Variants in SUGCT observed in about 807,000 individuals in gnomAD.
SUGCT encodes succinyl-CoA:glutarate-CoA transferase.
Under a neutral mutation model 55.0 loss-of-function variants are expected in SUGCT, and 41 were observed. The ratio of observed to expected loss-of-function variants is 0.74; its 90% CI spans 0.58 to 0.97. SUGCT has a LOEUF of 0.97. SUGCT is among the 50% of genes least tolerant of loss of function. The probability of loss-of-function intolerance (pLI) is 0.00; values close to 1 mark genes in which losing one functional copy is unlikely to be tolerated. For synonymous variants in SUGCT, 187 were observed against 200.4 expected (o/e 0.93, Z 0.56); for missense variants, 568 against 547.8 (o/e 1.04, Z -0.37).
intron 6 of SUGCT, among the ~76,000 whole-genome samples, chr7:40,222,212 C>G (rs1014720630): frequency 2.0e-5 from 3 of 152,294 alleles, no homozygotes; most frequent in Admixed American, 1.3e-4. Flanking sequence ...GTGAGATATC[C>G]CCAGTGATGG....
intron 12 of SUGCT, among the ~76,000 whole-genome samples, chr7:40,526,135 G>T (rs1793782007): frequency 6.6e-6 from 1 of 152,082 alleles, no homozygotes; most frequent in Non-Finnish European, 1.5e-5. Flanking sequence ...GCTTCCTAGG[G>T]TTTTTGCCTC....
chr7:40,552,676 A>G (rs1795359478), intron 12 of SUGCT, among the ~76,000 whole-genome samples: 1 of 152,152 alleles, frequency 6.6e-6, no homozygotes, highest in South Asian at 2.1e-4. Context: ...GACATCTTCC[A>G]TCACACTTTC....
intron 6 of SUGCT, among the ~76,000 whole-genome samples, chr7:40,224,054 A>C (rs545873614): frequency 2.2e-4 from 33 of 151,950 alleles, no homozygotes; most frequent in Non-Finnish European, 4.0e-4. Flanking sequence ...CTGAGTTTTT[A>C]TTTTCTTTTC....
chr7:40,176,871 G>A (rs1210849356), intron 1 of SUGCT, among the ~76,000 whole-genome samples: 1 of 149,918 alleles, frequency 6.7e-6, no homozygotes, highest in African/African-American at 2.4e-5. Flanking sequence ...TACTTGGGAG[G>A]CTGAGGCAGG....
chr7:40,249,327 A>ATCTATATATATATC (rs1562612076), intron 7 of SUGCT, among the ~76,000 whole-genome samples: 1 of 117,716 alleles, frequency 8.5e-6, no homozygotes, highest in East Asian at 2.3e-4. Context: ...ATATATATAT[A>ATCTATATATATATC]TATATATATA....
chr7:41,015,536 T>C, the SUGCT span, among the ~76,000 whole-genome samples: 715 of 152,310 alleles, frequency 4.7e-3, 3 homozygotes, highest in African/African-American at 0.017. Context: ...CTACATTCTG[T>C]ATTTTTAAGG....
In SUGCT at chr7:40,321,233, G is replaced by T. The variant is rs545066774; in HGVS notation, c.816+4378G>T. ...TGGGATTACAGGCAAACGCCATCACGCCTGGCTAATTTTTTGTACTTTTAG... is the reference window on the plus strand; with the variant it reads ...TGGGATTACAGGCAAACGCCATCACTCCTGGCTAATTTTTTGTACTTTTAG... On this transcript the variant is annotated intron_variant, in intron 9 of 13. Transcript: ENST00000335693. Among the ~76,000 whole-genome samples the T allele has an allele frequency of 1.9e-3, 293 of 151,056 alleles. 2 individuals are homozygous for T. Among genetic ancestry groups the T allele is most frequent in the Admixed American group, 3.9e-3 (59 of 15,168 alleles).
intron 12 of SUGCT, among the ~76,000 whole-genome samples, chr7:40,655,860 T>C (rs1800995657): frequency 6.6e-6 from 1 of 152,244 alleles, no homozygotes; most frequent in Non-Finnish European, 1.5e-5. Context: ...TAATTTCTTG[T>C]ATTCTGTGCC....
At chr7:40,435,954 T>C (rs1306363507) in intron 9 of SUGCT, among the ~76,000 whole-genome samples, 1 of 149,446 alleles carries the variant, frequency 6.7e-6, no homozygotes, top group African/African-American at 2.5e-5. Context: ...TCTTTTTTTT[T>C]TTTTTTTGAG....
At chr7:40,148,841 G>T (rs752549332) in intron 1 of SUGCT, among the ~76,000 whole-genome samples, 1 of 152,124 alleles carries the variant, frequency 6.6e-6, no homozygotes, top group African/African-American at 2.4e-5. Context: ...GAATGGATGC[G>T]GATGGAGATT....
chr7:40,377,707 G>A (rs776933318), intron 9 of SUGCT, among the ~76,000 whole-genome samples: 6 of 152,130 alleles, frequency 3.9e-5, no homozygotes, highest in Non-Finnish European at 7.4e-5. Context: ...TTATTTATGT[G>A]GATTTTAGTT....
At chr7:41,033,733 C>T in the SUGCT span, among the ~76,000 whole-genome samples, 1 of 152,098 alleles carries the variant, frequency 6.6e-6, no homozygotes, top group African/African-American at 2.4e-5. Flanking sequence ...CTTGAATTAA[C>T]AAGCACCCAA....
chr7:40,665,546 C>G (rs570575810), intron 12 of SUGCT, among the ~76,000 whole-genome samples: 3 of 151,602 alleles, frequency 2.0e-5, no homozygotes, highest in Admixed American at 2.0e-4. Flanking sequence ...GTGAAAACAC[C>G]GTTTTAAGAA....
intron 9 of SUGCT, among the ~76,000 whole-genome samples, chr7:40,350,791 G>A (rs1349144808): frequency 4.1e-5 from 6 of 147,828 alleles, no homozygotes; most frequent in East Asian, 4.0e-4. Flanking sequence ...TCCCTCCCCC[G>A]CAACCCCCCC....
At chr7:40,675,634 G>A (rs948826617) in intron 12 of SUGCT, among the ~76,000 whole-genome samples, 1 of 152,140 alleles carries the variant, frequency 6.6e-6, no homozygotes, top group African/African-American at 2.4e-5. Context: ...GGAGGTATGG[G>A]AGTTGGGCAA....
the SUGCT span, among the ~76,000 whole-genome samples, chr7:40,970,590 A>G: frequency 6.6e-6 from 1 of 152,232 alleles, no homozygotes; most frequent in African/African-American, 2.4e-5. Context: ...TCCTGACCTC[A>G]TGTGTTCACG....
chr7:40,665,239 G>C (rs184021296), intron 12 of SUGCT, among the ~76,000 whole-genome samples: 14 of 151,676 alleles, frequency 9.2e-5, no homozygotes, highest in South Asian at 8.3e-4. Flanking sequence ...AGGAGTTTGA[G>C]ACCAGCCTGG....
At chr7:40,276,909 T>TCATA (rs1175318259) in intron 8 of SUGCT, among the ~76,000 whole-genome samples, 6 of 152,154 alleles carry the variant, frequency 3.9e-5, no homozygotes, top group African/African-American at 1.2e-4. Flanking sequence ...AATGTTTTTG[T>TCATA]GTACCATGGT....
At chr7:40,469,898 G>C (rs1020467483) in intron 11 of SUGCT, among the ~76,000 whole-genome samples, 1 of 152,088 alleles carries the variant, frequency 6.6e-6, no homozygotes, top group African/African-American at 2.4e-5. Flanking sequence ...TTCTCCTTTG[G>C]AACTTAATGT....
Sources: gnomAD v4.1 joint callset for allele counts (sites outside exome capture counted in the v4.1 genomes callset) on GRCh38, gnomAD v4.1.1 for gene constraint, MANE v1.5 for transcripts, NCBI Gene and HGNC (gene_info 2026-07-23, HGNC 2026-07-21) for gene names.